The following MEGF6 variants were observed in gnomAD, a reference collection of about 807,000 sequenced individuals.
The protein encoded by MEGF6 is multiple EGF like domains 6.
In MEGF6, 184 loss-of-function variants were observed where a neutral mutation model predicts 207.1. The ratio of observed to expected loss-of-function variants is 0.89; its 90% CI spans 0.79 to 1.00. The LOEUF is 1.00. Ranked by LOEUF, MEGF6 falls within the 50% of genes least tolerant of loss-of-function variation. MEGF6 has a pLI of 0.00. For synonymous variants in MEGF6, 1,038 were observed against 910.0 expected (o/e 1.14, Z -2.53); for missense variants, 2,282 against 2,202.9 (o/e 1.04, Z -0.72).
chr1:3,585,022 G>A (rs1643872295), intron 3 of MEGF6, among the ~76,000 whole-genome samples: 1 of 152,292 alleles, frequency 6.6e-6, no homozygotes, highest in South Asian at 2.1e-4. Context: ...GCAGGTGTAG[G>A]TGTGAGTGAC....
intron 26 of MEGF6, among the ~76,000 whole-genome samples, chr1:3,498,049 G>A (rs1482705229): frequency 2.0e-5 from 3 of 152,144 alleles, no homozygotes; most frequent in African/African-American, 7.2e-5. Flanking sequence ...CAGGACAAGG[G>A]GTGAAGGGGC....
chr1:3,505,997 G>C, intron 15 of MEGF6, 111 bp downstream of exon 15: 1 of 1,408,084 alleles, frequency 7.1e-7, no homozygotes, highest in Non-Finnish European at 9.5e-7. Context: ...TGGGTGACCT[G>C]GCTGGGCCCC....
At chr1:3,562,050 C>T (rs1250070684) in intron 4 of MEGF6, among the ~76,000 whole-genome samples, 1 of 152,196 alleles carries the variant, frequency 6.6e-6, no homozygotes, top group African/African-American at 2.4e-5. Flanking sequence ...AGCGGCTGCC[C>T]CAAACCAAGG....
chr1:3,503,138 G>A (rs932772678), intron 17 of MEGF6, among the ~76,000 whole-genome samples: 1 of 152,144 alleles, frequency 6.6e-6, no homozygotes, highest in African/African-American at 2.4e-5. Context: ...CCCCGCTGAG[G>A]CCCTGAGGAC....
At chr1:3,593,835 C>G (rs942303585) in intron 3 of MEGF6, among the ~76,000 whole-genome samples, 2 of 152,322 alleles carry the variant, frequency 1.3e-5, no homozygotes, top group East Asian at 1.9e-4. Flanking sequence ...CAGCACCCCC[C>G]TCCCTGCTGC....
chr1:3,577,320 C>T (rs1318283528), intron 4 of MEGF6, among the ~76,000 whole-genome samples: 1 of 152,226 alleles, frequency 6.6e-6, no homozygotes, highest in African/African-American at 2.4e-5. Context: ...GACCCTGCTC[C>T]CCTCTCCTCC....
Position 3,560,883 on chromosome 1 carries a change from G to A in MEGF6, c.481+18942C>T. ...TGGTCCCCCAGGTCTCTACGCGAAG[G>A]GGGTGCTGGGCTCTACCCCCAGGCC... is the stretch of plus-strand genomic sequence containing the variant. On this transcript the variant is annotated intron_variant, in intron 4 of 36. Coordinates refer to ENST00000356575, the MANE Select transcript of MEGF6 (RefSeq NM_001409.4). This position sits in a 1 kb window ranked among gnomAD's most constrained non-coding sequence, Gnocchi z 4.0. The A allele has an allele frequency of 2.3e-6, 1 of 438,368 alleles. No individual in the cohort carries two copies. The allele number at this position is 438,368 out of a possible 1,614,324, so 27.2% of individuals were successfully genotyped here.
chr1:3,577,532 A>AT (rs1322297495), intron 4 of MEGF6, among the ~76,000 whole-genome samples: 1 of 152,194 alleles, frequency 6.6e-6, no homozygotes, highest in East Asian at 1.9e-4. Flanking sequence ...TGTGGAGCTG[A>AT]TGAGGTGACG....
intron 4 of MEGF6, among the ~76,000 whole-genome samples, chr1:3,576,204 G>A (rs950686475): frequency 2.6e-5 from 4 of 152,380 alleles, no homozygotes; most frequent in African/African-American, 7.2e-5. Flanking sequence ...GGGCAGACAG[G>A]CCCGCTTTGT....
In MEGF6 at chr1:3,496,006, C is replaced by T; in HGVS notation, c.3755G>A (p.Gly1252Asp). 6.5e-7 allele frequency: 1 copy of T among 1,532,780 alleles called. No individual in the cohort carries two copies. The highest frequency in any genetic ancestry group is 8.7e-7 in the Non-Finnish European group (1 of 1,147,244). 94.9% of individuals were successfully genotyped at this position (1,532,780 alleles called of 1,614,324 possible). The change falls in exon 30 of 37, where the codon GGC (glycine) becomes GAC (aspartate). Residue 1252 changes from glycine to aspartate, a missense_variant. Transcript: ENST00000356575. Reference sequence around the variant, plus strand: ...GTGGGTGCAGTTGGGGCCGAAGCGGCCCTGCGGACAGGCTGCCGGGGAGGA... The same window carrying T: ...GTGGGTGCAGTTGGGGCCGAAGCGGTCCTGCGGACAGGCTGCCGGGGAGGA... ...GTDCNLTCPQ[G>D]RFGPNCTHVC...
At chr1:3,535,338 A>G (rs1642293742) in intron 4 of MEGF6, among the ~76,000 whole-genome samples, 1 of 152,162 alleles carries the variant, frequency 6.6e-6, no homozygotes, top group South Asian at 2.1e-4. Flanking sequence ...AAAACCCCCA[A>G]GAGCTATGGG....
rs770672024 is a variant in MEGF6 at position 3,497,097 on chromosome 1, C to T, written c.3504G>A (p.Gly1168=). ...CEQACPPGSF[G]EDCAQMCQCP... is the part of the protein sequence containing the mutation. ...ACTGGCACATCTGCGCACAGTCCTC[C>T]CCAAAGCTGCCGGGTGGGCAGGCTG... The change falls in exon 28 of 37, where the codon GGG becomes GGA. Residue 1168 remains glycine, a synonymous_variant. Transcript: ENST00000356575. 3 of 1,571,448 alleles carry T rather than the reference C, an allele frequency of 1.9e-6. No homozygotes were observed. The highest frequency in any genetic ancestry group is 2.3e-5 in the South Asian group (2 of 86,448).
chr1:3,562,221 T>C (rs1345573613), intron 4 of MEGF6, among the ~76,000 whole-genome samples: 2 of 152,202 alleles, frequency 1.3e-5, no homozygotes, highest in East Asian at 3.8e-4. Flanking sequence ...TCTCTTTTCC[T>C]CCATCTCTAT....
At chr1:3,494,520 G>A in intron 31 of MEGF6, 21 bp from the exon 32 acceptor site, 3 of 1,581,020 alleles carry the variant, frequency 1.9e-6, no homozygotes, top group Non-Finnish European at 2.6e-6. Flanking sequence ...GGCAGGGTGG[G>A]CAGTCCTTCG....
At chr1:3,515,641 C>A (rs1049666007) in intron 5 of MEGF6, 114 bp from the exon 6 acceptor site, 211 of 1,304,860 alleles carry the variant, frequency 1.6e-4, no homozygotes, top group Non-Finnish European at 2.2e-4. Context: ...CTGTAGGACC[C>A]CTCCCAGCCA....
At chr1:3,590,530 G>A (rs1643959713) in intron 3 of MEGF6, among the ~76,000 whole-genome samples, 2 of 152,334 alleles carry the variant, frequency 1.3e-5, no homozygotes, top group South Asian at 4.1e-4. Flanking sequence ...GGCTCTCAGG[G>A]AAATCATAAC....
chr1:3,597,440 TC>T (rs1222822825), intron 2 of MEGF6, among the ~76,000 whole-genome samples: 1 of 152,116 alleles, frequency 6.6e-6, no homozygotes, highest in Admixed American at 6.5e-5. Context: ...ACGCCCTGTC[TC>T]CCGCTGCTTG....
chr1:3,558,528 C>A (rs549890487), intron 4 of MEGF6, among the ~76,000 whole-genome samples: 56 of 152,314 alleles, frequency 3.7e-4, no homozygotes, highest in South Asian at 2.5e-3. Context: ...CCTGCCCCGA[C>A]TTCCCTTTTT....
chr1:3,567,511 A>G (rs11806716), intron 4 of MEGF6, among the ~76,000 whole-genome samples: 7,604 of 151,486 alleles, frequency 0.05, 661 homozygotes, highest in African/African-American at 0.17. Context: ...TCCCTCCTGC[A>G]CCCCCAGCAT....
Sources: gnomAD v4.1 joint callset for allele counts (sites outside exome capture counted in the v4.1 genomes callset) on GRCh38, gnomAD v4.1.1 for gene constraint, Gnocchi (gnomAD v3.1) non-coding constraint, MANE v1.5 for transcripts, NCBI Gene and HGNC (gene_info 2026-07-23, HGNC 2026-07-21) for gene names.